Variants in NDRG2 observed in about 807,000 individuals in gnomAD.
NDRG2 encodes NDRG family member 2.
A neutral mutation model predicts 58.2 loss-of-function variants in NDRG2; 34 were observed. The ratio of observed to expected loss-of-function variants is 0.58; its 90% CI spans 0.44 to 0.78. The LOEUF is 0.78. NDRG2 is among the 30% of genes least tolerant of loss of function. The probability of loss-of-function intolerance (pLI) is 0.00; values close to 1 mark genes in which losing one functional copy is unlikely to be tolerated. For synonymous variants in NDRG2, 187 were observed against 175.9 expected (o/e 1.06, Z -0.50); for missense variants, 434 against 471.2 (o/e 0.92, Z 0.73).
intron 1 of NDRG2, among the ~76,000 whole-genome samples, chr14:21,041,674 C>T (rs1884902831): frequency 1.3e-5 from 2 of 152,138 alleles, no homozygotes; most frequent in Non-Finnish European, 2.9e-5. Context: ...AACATTTGGG[C>T]AGTATTAAAT....
chr14:21,022,951 G>A, intron 2 of NDRG2, 46 bp from the exon 3 acceptor site: 1 of 1,610,210 alleles, frequency 6.2e-7, no homozygotes, highest in Non-Finnish European at 8.5e-7. Context: ...TGACCATGTG[G>A]CGTCCCAGAT....
chr14:21,063,121 C>A (rs1370932238), intron 1 of NDRG2, among the ~76,000 whole-genome samples: 1 of 151,928 alleles, frequency 6.6e-6, no homozygotes, highest in Admixed American at 6.6e-5. Flanking sequence ...CGGAGCGAGA[C>A]CCTGTCTCAA....
intron 1 of NDRG2, chr14:21,034,042 G>A: frequency 6.2e-7 from 1 of 1,614,130 alleles, no homozygotes. Flanking sequence ...CAGAACTTCT[G>A]GATGGCCTTC....
intron 1 of NDRG2, among the ~76,000 whole-genome samples, chr14:21,069,728 G>A (rs980653074): frequency 3.3e-5 from 5 of 152,012 alleles, no homozygotes; most frequent in African/African-American, 1.2e-4. Flanking sequence ...GCCCCCGGGG[G>A]GTTGGGGAAT....
intron 1 of NDRG2, among the ~76,000 whole-genome samples, chr14:21,056,508 G>A (rs1410996744): frequency 4.6e-5 from 7 of 152,146 alleles, no homozygotes; most frequent in Admixed American, 3.3e-4. Flanking sequence ...GCCTGTTGTC[G>A]TTATTGAAAA....
At chr14:21,061,871 G>A (rs1005917194) in intron 1 of NDRG2, among the ~76,000 whole-genome samples, 11 of 152,180 alleles carry the variant, frequency 7.2e-5, no homozygotes, top group Admixed American at 1.3e-4. Flanking sequence ...ATCCTATTTA[G>A]AAATTGTTAG....
At chr14:21,025,696 T>C (rs1196975824), upstream of NDRG2, 40 of 975,946 alleles carry the variant, frequency 4.1e-5, no homozygotes, top group Non-Finnish European at 4.7e-5. The surrounding 1 kb of genome is among the most constrained non-coding windows in gnomAD (Gnocchi z 5.1). Flanking sequence ...CTTTGCTGCG[T>C]CCCGACGCCT....
Position 21,017,007 on chromosome 14 carries a change from A to G in NDRG2, c.*589T>C. On this transcript the variant is annotated 3_prime_UTR_variant, in exon 16 of 16. Transcript: ENST00000556147. ...GCCCCTTCCTGTTGCCCCAGCACCA[A>G]TCCTTCCCCACACTCGTTCACTGCC... 2 of 456,398 alleles carry G rather than the reference A, an allele frequency of 4.4e-6. No homozygotes were observed. Among genetic ancestry groups the G allele is most frequent in the African/African-American group, 2.0e-5 (1 of 50,164 alleles). The allele number at this position is 456,398 out of a possible 1,614,324, so 28.3% of individuals were successfully genotyped here. A position where few individuals can be genotyped will look rare whatever the true frequency, so the allele number is the denominator to read the frequency against.
At chr14:21,017,888 G>A in intron 15 of NDRG2, 99 bp downstream of exon 15, 10 of 1,604,898 alleles carry the variant, frequency 6.2e-6, no homozygotes, top group Non-Finnish European at 7.7e-6. Flanking sequence ...GAGCTCGATT[G>A]GGCAGATAGC....
chr14:21,059,475 G>A lies in NDRG2; in HGVS notation c.24+11353C>T, dbSNP rs76225787. On this transcript the variant is annotated intron_variant, in intron 1 of 14. Transcript: ENST00000403829. The stretch of plus-strand genomic sequence containing the variant: ...GTCAAATTGCCATAAAAGTTACTGG[G>A]TTTTTTTGGGTTTTTTTTTTCTTTT... Among the ~76,000 whole-genome samples the A allele has an allele frequency of 5.9e-3, 539 of 90,722 alleles. 7 individuals are homozygous for A. In the East Asian group the frequency reaches 0.075, roughly 13 times the overall value. 59.5% of individuals were successfully genotyped at this position (90,722 alleles called of 152,430 possible). A position where few individuals can be genotyped will look rare whatever the true frequency, so the allele number is the denominator to read the frequency against.
chr14:21,068,639 C>T (rs1339105029), intron 1 of NDRG2, among the ~76,000 whole-genome samples: 2 of 152,164 alleles, frequency 1.3e-5, no homozygotes, highest in South Asian at 2.1e-4. Context: ...ATCTCACTCT[C>T]CTAGCTCGCG....
chr14:21,052,340 T>C (rs1885502602), intron 1 of NDRG2, among the ~76,000 whole-genome samples: 1 of 152,118 alleles, frequency 6.6e-6, no homozygotes, highest in South Asian at 2.1e-4. Context: ...CAAAACAAGG[T>C]AGTACACGAT....
chr14:21,024,895 C>T lies in NDRG2; in HGVS notation c.-872G>A. ...TTGGAGCCTCAGCCTTTGTGCGCAG[C>T]AACCGAGCGCCCGCTCCGTGCTGGC... is the stretch of plus-strand genomic sequence containing the variant. On this transcript the variant is annotated 5_prime_UTR_variant, in exon 1 of 16. Coordinates refer to ENST00000556147, the MANE Select transcript of NDRG2 (RefSeq NM_001320329.2). 2 of 985,604 alleles carry T rather than the reference C, an allele frequency of 2.0e-6. No homozygotes were observed. Among genetic ancestry groups the T allele is most frequent in the Non-Finnish European group, 2.4e-6 (2 of 830,048 alleles). 61.1% of individuals were successfully genotyped at this position (985,604 alleles called of 1,614,324 possible).
chr14:21,025,690 G>C, upstream of NDRG2: 1 of 985,256 alleles, frequency 1.0e-6, no homozygotes, highest in Non-Finnish European at 1.2e-6. The surrounding 1 kb of genome is among the most constrained non-coding windows in gnomAD (Gnocchi z 5.1). Context: ...TCCTCTCTTT[G>C]CTGCGTCCCG....
chr14:21,061,240 G>A (rs370386751), intron 1 of NDRG2, among the ~76,000 whole-genome samples: 5 of 152,288 alleles, frequency 3.3e-5, no homozygotes, highest in South Asian at 2.1e-4. Flanking sequence ...GCCAGGGTTA[G>A]GCAACACCAG....
At position 21,070,546 on chromosome 14, in the gene NDRG2, C is replaced by A; in HGVS notation, c.24+282G>T. 1 of 1,045,966 alleles carries A rather than the reference C, an allele frequency of 9.6e-7. No individual in the cohort carries two copies. The highest frequency in any genetic ancestry group is 1.3e-6 in the Non-Finnish European group (1 of 762,876). The allele number at this position is 1,045,966 out of a possible 1,614,324, so 64.8% of individuals were successfully genotyped here. On this transcript the variant is annotated intron_variant, in intron 1 of 14. Coordinates refer to the NDRG2 transcript ENST00000403829. This position sits in a 1 kb window ranked among gnomAD's most constrained non-coding sequence, Gnocchi z 4.7. ...CTCCTCCCTCCCATCCCCCCTTCTT[C>A]GATTTGTCTGTCTGCCCGACTGTTT...
intron 1 of NDRG2, chr14:21,057,896 G>A: frequency 6.2e-7 from 1 of 1,613,384 alleles, no homozygotes; most frequent in South Asian, 1.1e-5. Flanking sequence ...AAGAGAGATG[G>A]CACCGGCCAG....
chr14:21,039,358 G>T (rs1410216702), intron 1 of NDRG2, among the ~76,000 whole-genome samples: 1 of 152,182 alleles, frequency 6.6e-6, no homozygotes, highest in African/African-American at 2.4e-5. Flanking sequence ...AAGGAAGCAG[G>T]GGTAGAGATT....
Position 21,018,745 on chromosome 14 carries a change from C to G in NDRG2, c.813+18G>C, listed in dbSNP as rs1201955209. 1 of 1,614,112 alleles carries G rather than the reference C, an allele frequency of 6.2e-7. No individual in the cohort carries two copies. The highest frequency in any genetic ancestry group is 1.3e-5 in the African/African-American group (1 of 75,052). ...CCCCAACCCTCCTCCCTCACTCACCCCAAAATTCCCTACTAACCACTGCAT... is the reference window on the plus strand; with the variant it reads ...CCCCAACCCTCCTCCCTCACTCACCGCAAAATTCCCTACTAACCACTGCAT... On this transcript the variant is annotated intron_variant, in intron 12 of 15. Transcript: ENST00000556147.
Sources: gnomAD v4.1 joint callset for allele counts (sites outside exome capture counted in the v4.1 genomes callset) on GRCh38, gnomAD v4.1.1 for gene constraint, Gnocchi (gnomAD v3.1) non-coding constraint, MANE v1.5 for transcripts, NCBI Gene and HGNC (gene_info 2026-07-23, HGNC 2026-07-21) for gene names.